The following TBC1D31 variants were observed in gnomAD, a reference collection of about 807,000 sequenced individuals.
The protein encoded by TBC1D31 is WD repeat domain 67.
A neutral mutation model predicts 132.9 loss-of-function variants in TBC1D31; 99 were observed. The ratio of observed to expected loss-of-function variants is 0.74; its 90% CI spans 0.63 to 0.88. The LOEUF is 0.88. TBC1D31 is among the 40% of genes least tolerant of loss of function. The probability of loss-of-function intolerance (pLI) is 0.00; values close to 1 mark genes in which losing one functional copy is unlikely to be tolerated. For missense variants in TBC1D31, 1,134 were observed against 1,256.6 expected (o/e 0.90, Z 1.48); for synonymous variants, 385 against 419.4 (o/e 0.92, Z 1.00).
At chr8:123,099,982 A>G (rs1397059869) in intron 6 of TBC1D31, among the ~76,000 whole-genome samples, 1 of 152,150 alleles carries the variant, frequency 6.6e-6, no homozygotes, top group Non-Finnish European at 1.5e-5. Flanking sequence ...CAATAACAGC[A>G]TTAATCTTTT....
intron 4 of TBC1D31, among the ~76,000 whole-genome samples, chr8:123,090,708 G>A (rs1025820531): frequency 3.3e-5 from 5 of 152,086 alleles, no homozygotes; most frequent in African/African-American, 4.8e-5. Flanking sequence ...CAAGGCAGGC[G>A]GATCACTTGA....
At position 123,134,528 on chromosome 8, in the gene TBC1D31, C is replaced by CAA. The variant is rs559019341; in HGVS notation, c.2499+331_2499+332dup. Among the ~76,000 whole-genome samples the CAA allele has an allele frequency of 6.5e-3, 948 of 144,860 alleles. 11 individuals carry two copies. Among genetic ancestry groups the CAA allele is most frequent in the African/African-American group, 0.023 (919 of 39,554 alleles). ...GGCAAACAGAGCGAGACCCTATCTC[C>CAA]AAAAAAAAAAGAAGGAAAAAGAAAA... On this transcript the variant is annotated intron_variant, in intron 17 of 21. Transcript: ENST00000287380.
intron 10 of TBC1D31, among the ~76,000 whole-genome samples, chr8:123,113,887 A>T (rs578027779): frequency 6.6e-6 from 1 of 152,366 alleles, no homozygotes; most frequent in East Asian, 1.9e-4. Flanking sequence ...TTTAAGGGCG[A>T]TAACCAAATT....
intron 16 of TBC1D31, among the ~76,000 whole-genome samples, chr8:123,132,891 C>T (rs993794535): frequency 2.6e-5 from 4 of 152,062 alleles, no homozygotes; most frequent in Admixed American, 6.6e-5. Context: ...ATGTTCTTCC[C>T]GCAAAGTAAG....
chr8:123,110,971 A>G (rs1460757765), intron 10 of TBC1D31, among the ~76,000 whole-genome samples: 1 of 152,074 alleles, frequency 6.6e-6, no homozygotes, highest in African/African-American at 2.4e-5. Flanking sequence ...TTTAACCCAT[A>G]CAGCCCTCTA....
At position 123,105,349 on chromosome 8, in the gene TBC1D31, A is replaced by C. The variant is rs1337953091; in HGVS notation, c.1094A>C (p.Asp365Ala). 6.2e-7 allele frequency: 1 copy of C among 1,609,900 alleles called. No individual in the cohort carries two copies. The highest frequency in any genetic ancestry group is 1.1e-5 in the South Asian group (1 of 90,306). Residue 365 changes from aspartate (D) to alanine (A), a missense_variant, in exon 8 of 22, where the codon GAT becomes GCT. By Grantham distance (126) the Asp-to-Ala change is moderately radical. Coordinates refer to ENST00000287380, the MANE Select transcript of TBC1D31 (RefSeq NM_145647.4). ...CCCAAGAATAAACTGAGTTCCAGTGATCTTAAGATGAAAGTAACATCAGGG... is the reference window on the plus strand; with the variant it reads ...CCCAAGAATAAACTGAGTTCCAGTGCTCTTAAGATGAAAGTAACATCAGGG... ...DLPKNKLSSS[D>A]LKMKVTSGRV... is the part of the protein sequence containing the mutation.
chr8:123,138,173 G>T (rs6470143), intron 17 of TBC1D31, among the ~76,000 whole-genome samples: 63,335 of 151,828 alleles, frequency 0.42, 14,249 homozygotes, highest in African/African-American at 0.58. Context: ...TGTTCTGCTT[G>T]TCTTCTTCGC....
At chr8:123,147,736 CTGAA>C (rs771908993) in intron 20 of TBC1D31, among the ~76,000 whole-genome samples, 7 of 152,102 alleles carry the variant, frequency 4.6e-5, no homozygotes, top group African/African-American at 9.7e-5. Context: ...AAGTTTATGA[CTGAA>C]TGATGTGTCA....
At chr8:123,078,930 A>C (rs539664571) in intron 2 of TBC1D31, among the ~76,000 whole-genome samples, 12 of 152,358 alleles carry the variant, frequency 7.9e-5, no homozygotes, top group Admixed American at 7.8e-4. Context: ...TCAAATGACT[A>C]AAGTTAATAT....
chr8:123,123,210 CCTT>C (rs577433317), intron 11 of TBC1D31: 2 of 152,294 alleles, frequency 1.3e-5, no homozygotes, highest in Non-Finnish European at 2.9e-5. Flanking sequence ...ACTCCAGTCA[CCTT>C]CTCAGAGTTT....
At chr8:123,126,806 A>T (rs1156388501) in intron 13 of TBC1D31, 119 bp downstream of exon 13, 5 of 842,450 alleles carry the variant, frequency 5.9e-6, no homozygotes, top group Non-Finnish European at 8.7e-6. Context: ...CAATGGCGCG[A>T]TCTCAGCTCA....
chr8:123,103,810 T>C (rs1489442654), intron 7 of TBC1D31: 1 of 152,234 alleles, frequency 6.6e-6, no homozygotes, highest in African/African-American at 2.4e-5. Flanking sequence ...TTGTTATCTG[T>C]TGAGCAAATT....
At chr8:123,089,881 A>G (rs1816162545) in intron 4 of TBC1D31, among the ~76,000 whole-genome samples, 1 of 152,290 alleles carries the variant, frequency 6.6e-6, no homozygotes, top group Non-Finnish European at 1.5e-5. Flanking sequence ...AATATATTTG[A>G]GTATGGGGCA....
intron 8 of TBC1D31, among the ~76,000 whole-genome samples, chr8:123,108,534 T>A (rs919165374): frequency 6.6e-6 from 1 of 152,134 alleles, no homozygotes; most frequent in African/African-American, 2.4e-5. Context: ...TCAGAGTGGA[T>A]TGCTCTTGAT....
intron 4 of TBC1D31, among the ~76,000 whole-genome samples, chr8:123,090,100 TTAGTAA>T (rs1262209215): frequency 6.6e-6 from 1 of 152,236 alleles, no homozygotes; most frequent in African/African-American, 2.4e-5. Context: ...GCAGTAATTA[TTAGTAA>T]TAGTAATAGA....
At chr8:123,102,455 T>C (rs1817534967) in intron 7 of TBC1D31, 1 of 342,942 alleles carries the variant, frequency 2.9e-6, no homozygotes, top group Non-Finnish European at 5.7e-6. Context: ...AAAATAAGAA[T>C]GTACAGAATA....
intron 4 of TBC1D31, among the ~76,000 whole-genome samples, chr8:123,088,711 C>T (rs1433032992): frequency 6.6e-6 from 1 of 152,120 alleles, no homozygotes; most frequent in Non-Finnish European, 1.5e-5. Context: ...GTTTTGATTG[C>T]ACATGCGACC....
chr8:123,133,231 A>C (rs1820788710), intron 16 of TBC1D31, among the ~76,000 whole-genome samples: 1 of 152,216 alleles, frequency 6.6e-6, no homozygotes. Flanking sequence ...TTCATAAGCA[A>C]AAGAGCTCTG....
In TBC1D31 at chr8:123,084,356, C is replaced by T. The variant is rs753887215; in HGVS notation, c.519+16C>T. 2 of 1,611,862 alleles carry T rather than the reference C, an allele frequency of 1.2e-6. No individual in the cohort carries two copies. The highest frequency in any genetic ancestry group is 1.1e-5 in the South Asian group (1 of 90,848). ...TATACAGAAGGTCAGTGAGGGGGTA[C>T]ATCTTGGTCTGTTGTGCTTCTCGGG... On this transcript the variant is annotated intron_variant, in intron 4 of 21. Transcript: ENST00000287380.
Sources: gnomAD v4.1 joint callset for allele counts (sites outside exome capture counted in the v4.1 genomes callset) on GRCh38, gnomAD v4.1.1 for gene constraint, MANE v1.5 for transcripts, NCBI Gene and HGNC (gene_info 2026-07-23, HGNC 2026-07-21) for gene names.